Variants in SNX25 observed in about 807,000 individuals in gnomAD.
The protein encoded by SNX25 is sorting nexin 25.
Under a neutral mutation model 113.7 loss-of-function variants are expected in SNX25, and 62 were observed. The ratio of observed to expected loss-of-function variants is 0.55; its 90% CI spans 0.44 to 0.67. SNX25 has a LOEUF of 0.67. Ranked by LOEUF, SNX25 falls within the 30% of genes least tolerant of loss-of-function variation. SNX25 has a pLI of 0.00. For missense variants in SNX25, 1,014 were observed against 1,161.0 expected, an observed-to-expected ratio of 0.87 and a Z score of 1.84; for synonymous variants, 421 against 436.2, an observed-to-expected ratio of 0.97 and a Z score of 0.43.
In SNX25 at chr4:185,353,740, C is replaced by T. The variant is rs148494492; in HGVS notation, c.2584+138C>T. The T allele has an allele frequency of 1.9e-4, 151 of 814,234 alleles. No homozygotes were observed. In the African/African-American group the frequency reaches 2.1e-3, roughly 12 times the overall value. 50.4% of individuals were successfully genotyped at this position (814,234 alleles called of 1,614,324 possible). ...TATATTCATGCATCCATTCATTCAA[C>T]ATAGCCTTTTAAGAGCCAACCCAGG... On this transcript the variant is annotated intron_variant, in intron 15 of 18. Coordinates refer to ENST00000652585, the MANE Select transcript of SNX25 (RefSeq NM_001378034.2).
rs570117348 is a variant in SNX25 at position 185,281,738 on chromosome 4, G to T, written c.1092-6274G>T. On this transcript the variant is annotated intron_variant, in intron 5 of 18. Coordinates refer to ENST00000652585, the MANE Select transcript of SNX25 (RefSeq NM_001378034.2). ...ACATTCTTATAAAATTCTTTAAGCT[G>T]GGTGCGGTGGTTCATGCCTGAAATC... is the stretch of plus-strand genomic sequence containing the variant. Among the ~76,000 whole-genome samples, 3 of 152,280 alleles carry T rather than the reference G, an allele frequency of 2.0e-5. No individual in the cohort carries two copies. In the South Asian group the frequency reaches 6.2e-4, roughly 32 times the overall value.
At chr4:185,300,840 G>GACCCACACACAC (rs1753563380) in intron 6 of SNX25, among the ~76,000 whole-genome samples, 1 of 140,684 alleles carries the variant, frequency 7.1e-6, no homozygotes, top group Non-Finnish European at 1.5e-5. Flanking sequence ...TGATTATTAT[G>GACCCACACACAC]ACACACACAC....
intron 18 of SNX25, among the ~76,000 whole-genome samples, 154 bp downstream of exon 18, chr4:185,362,865 A>T (rs998168579): frequency 1.6e-5 from 2 of 128,098 alleles, no homozygotes; most frequent in African/African-American, 6.1e-5. Flanking sequence ...TTTTTGAGAC[A>T]GAGTTTCGCT....
chr4:185,241,097 A>C (rs928939648), intron 1 of SNX25, among the ~76,000 whole-genome samples: 1 of 151,598 alleles, frequency 6.6e-6, no homozygotes. Context: ...AGAGGCTGCA[A>C]TCTCGGCACT....
At chr4:185,375,492 A>AT in the SNX25 span, 1 of 54,828 alleles carries the variant, frequency 1.8e-5, no homozygotes, top group African/African-American at 1.2e-4. Flanking sequence ...AAAAAAATAT[A>AT]TATATATATA....
At chr4:185,243,166 C>A (rs1015146517) in intron 1 of SNX25, among the ~76,000 whole-genome samples, 2 of 152,142 alleles carry the variant, frequency 1.3e-5, no homozygotes, top group African/African-American at 2.4e-5. Flanking sequence ...AAACCCATCT[C>A]CCTTGCAATT....
At chr4:185,319,587 C>T (rs1037193175) in intron 7 of SNX25, among the ~76,000 whole-genome samples, 13 of 151,836 alleles carry the variant, frequency 8.6e-5, no homozygotes, top group African/African-American at 1.7e-4. Context: ...AAGGCACAGA[C>T]CACAGACTGT....
chr4:185,254,715 A>AT (rs1746158734), intron 2 of SNX25, among the ~76,000 whole-genome samples: 1 of 152,232 alleles, frequency 6.6e-6, no homozygotes, highest in Non-Finnish European at 1.5e-5. Context: ...AGTTCCAATC[A>AT]TGTTACTTCA....
intron 3 of SNX25, among the ~76,000 whole-genome samples, chr4:185,262,425 C>G (rs2126533930): frequency 6.6e-6 from 1 of 152,316 alleles, no homozygotes; most frequent in East Asian, 1.9e-4. Context: ...TGGTCGAGTA[C>G]TGGCATACAG....
upstream of SNX25, among the ~76,000 whole-genome samples, chr4:185,206,293 C>G (rs1335243447): frequency 6.6e-6 from 1 of 152,156 alleles, no homozygotes; most frequent in Non-Finnish European, 1.5e-5. Flanking sequence ...GTAGTAGATA[C>G]ATAAAATGGA....
At position 185,342,027 on chromosome 4, in the gene SNX25, C is replaced by G. The variant is rs1316586274; in HGVS notation, c.2098C>G (p.Leu700Val). The G allele has an allele frequency of 6.2e-7, 1 of 1,611,268 alleles. No individual in the cohort carries two copies. Among genetic ancestry groups the G allele is most frequent in the Non-Finnish European group, 8.5e-7 (1 of 1,178,934 alleles). The change falls in exon 12 of 19, where the codon CTA becomes GTA. Residue 700 changes from leucine (L) to valine (V), a missense_variant. By Grantham distance (32) the Leu-to-Val change is conservative (BLOSUM62 1). Coordinates refer to ENST00000652585, the MANE Select transcript of SNX25 (RefSeq NM_001378034.2). The part of the protein sequence containing the change: ...QLPCYFVMVS[L>V]QEVGGVETKN... ...GCCATGTTACTTTGTCATGGTAAGC[C>G]TACAAGAAGTTGGAGGAGTTGAAAC... is the stretch of plus-strand genomic sequence containing the variant.
intron 6 of SNX25, among the ~76,000 whole-genome samples, chr4:185,290,601 T>C (rs1389292491): frequency 6.6e-6 from 1 of 152,148 alleles, no homozygotes; most frequent in African/African-American, 2.4e-5. Context: ...TTACGTGCTT[T>C]GTGCTTAATA....
chr4:185,332,140 A>G (rs1039078896), intron 9 of SNX25, among the ~76,000 whole-genome samples: 1 of 152,216 alleles, frequency 6.6e-6, no homozygotes, highest in Non-Finnish European at 1.5e-5. Flanking sequence ...AACAAAGTAT[A>G]TACTGAAAAT....
At chr4:185,212,491 G>GTGTGTTTCTGTTT (rs546083196) in intron 1 of SNX25, among the ~76,000 whole-genome samples, 14 of 104,940 alleles carry the variant, frequency 1.3e-4, no homozygotes, top group African/African-American at 4.4e-4. Context: ...GTGTGTGTGT[G>GTGTGTTTCTGTTT]TTTTTTTTTT....
intron 2 of SNX25, among the ~76,000 whole-genome samples, chr4:185,253,337 G>A (rs1350499508): frequency 1.3e-5 from 2 of 151,950 alleles, no homozygotes; most frequent in Non-Finnish European, 2.9e-5. Context: ...AGAAAACTCC[G>A]AAAAACAACA....
Position 185,337,250 on chromosome 4 carries a change from C to T in SNX25, c.1915-2129C>T, listed in dbSNP as rs140037410. Among the ~76,000 whole-genome samples the T allele has an allele frequency of 3.1e-3, 472 of 152,240 alleles. 2 individuals carry two copies. Among genetic ancestry groups the T allele is most frequent in the Non-Finnish European group, 4.7e-3 (317 of 68,002 alleles). ...ATTAAACAATACCTCCCCATTTTCC[C>T]CTCCCTCATGCTCTGGAAAAACCAT... On this transcript the variant is annotated intron_variant, in intron 10 of 18. Coordinates refer to ENST00000652585, the MANE Select transcript of SNX25 (RefSeq NM_001378034.2).
At chr4:185,347,501 G>T (rs758592523) in intron 13 of SNX25, among the ~76,000 whole-genome samples, 2 of 151,390 alleles carry the variant, frequency 1.3e-5, no homozygotes, top group African/African-American at 2.4e-5. Flanking sequence ...ACGGAGTTTC[G>T]CTCTTGTTGC....
At chr4:185,288,605 T>C (rs1751684027) in intron 6 of SNX25, among the ~76,000 whole-genome samples, 1 of 105,038 alleles carries the variant, frequency 9.5e-6, no homozygotes, top group Admixed American at 1.3e-4. Context: ...GTAGGTTTTG[T>C]TGGGGGGTGG....
intron 1 of SNX25, among the ~76,000 whole-genome samples, chr4:185,235,858 G>C (rs1742539839): frequency 6.6e-6 from 1 of 152,242 alleles, no homozygotes; most frequent in South Asian, 2.1e-4. Context: ...GGCTGAGCAA[G>C]GGATGAAAGG....
Sources: allele counts gnomAD v4.1 joint callset (sites outside exome capture counted in the v4.1 genomes callset), GRCh38; gene constraint gnomAD v4.1.1; transcripts MANE v1.5; gene names NCBI Gene and HGNC (gene_info 2026-07-23, HGNC 2026-07-21).